LAMC1: variants seen among roughly 807,000 people sequenced by gnomAD.
LAMC1 encodes the protein laminin subunit gamma 1.
A neutral mutation model predicts 173.6 loss-of-function variants in LAMC1; 38 were observed. The ratio of observed to expected loss-of-function variants is 0.22; its 90% CI spans 0.17 to 0.29. The LOEUF (loss-of-function observed/expected upper bound fraction) is 0.29, where lower values mean the gene tolerates loss of function less well. Ranked by LOEUF, LAMC1 falls within the 10% of genes least tolerant of loss-of-function variation. The pLI, the probability that LAMC1 is intolerant of heterozygous loss-of-function variation, is 1.00. For synonymous variants in LAMC1, 746 were observed against 749.1 expected (o/e 1.00, Z 0.07); for missense variants, 1,824 against 2,051.8 (o/e 0.89, Z 2.14).
chr1:183,134,772 T>C lies in LAMC1; in HGVS notation c.3962T>C (p.Val1321Ala). Reference protein sequence around the residue: ...REDMRGKELEVKNLLEKGKTE... With the variant: ...REDMRGKELEAKNLLEKGKTE... The stretch of plus-strand genomic sequence containing the variant: ...GATATGAGAGGGAAGGAACTTGAAG[T>C]CAAGAACCTTCTGGAGAAAGGCAAG... Residue 1321 changes from valine to alanine, a missense_variant, in exon 23 of 28, where the codon GTC becomes GCC. Transcript: ENST00000258341. The C allele has an allele frequency of 6.2e-7, 1 of 1,613,564 alleles. No individual in the cohort carries two copies. Among genetic ancestry groups the C allele is most frequent in the Non-Finnish European group, 8.5e-7 (1 of 1,179,880 alleles).
At chr1:183,138,187 A>G (rs1367628205) in intron 26 of LAMC1, 6 of 965,266 alleles carry the variant, frequency 6.2e-6, no homozygotes, top group Admixed American at 1.2e-4. Flanking sequence ...TTGTTCTCCC[A>G]GCACCTTTAG....
At chr1:183,075,566 C>T (rs1346048965) in intron 1 of LAMC1, among the ~76,000 whole-genome samples, 6 of 152,078 alleles carry the variant, frequency 3.9e-5, no homozygotes, top group Non-Finnish European at 8.8e-5. Flanking sequence ...ACAAATAATA[C>T]ACATATATGG....
At position 183,115,620 on chromosome 1, in the gene LAMC1, C is replaced by T. The variant is rs913543876; in HGVS notation, c.1311C>T (p.Leu437=). The change falls in exon 6 of 28, where the codon CTC becomes CTT. Residue 437 remains leucine (L), a synonymous_variant. Coordinates refer to ENST00000258341, the MANE Select transcript of LAMC1 (RefSeq NM_002293.4). ...CDRCQPGFHS[L]TEAGCRPCSC... ...GTTGCCAGCCTGGATTCCATTCTCT[C>T]ACTGAAGCAGGATGCAGGTAAAATA... 2.5e-6 allele frequency: 4 copies of T among 1,612,164 alleles called. No homozygotes were observed. In the African/African-American group the frequency reaches 5.3e-5, roughly 22 times the overall value.
intron 1 of LAMC1, among the ~76,000 whole-genome samples, chr1:183,038,556 T>TTCC (rs34812197): frequency 6.6e-6 from 1 of 151,694 alleles, no homozygotes; most frequent in African/African-American, 2.4e-5. Flanking sequence ...AATGAAGGGA[T>TTCC]AATGATTTCC....
At chr1:183,108,186 T>TAA (rs1363674393) in intron 2 of LAMC1, 90 bp from the exon 3 acceptor site, 6 of 1,206,894 alleles carry the variant, frequency 5.0e-6, no homozygotes, top group Admixed American at 3.7e-5. Flanking sequence ...TAAATGATAA[T>TAA]AAGTTAGTGA....
At chr1:183,104,345 A>C (rs929228054) in intron 2 of LAMC1, among the ~76,000 whole-genome samples, 1 of 152,146 alleles carries the variant, frequency 6.6e-6, no homozygotes, top group African/African-American at 2.4e-5. Flanking sequence ...CATAATACGG[A>C]ATTCTTCTAT....
chr1:183,045,907 T>C (rs1654254605), intron 1 of LAMC1, among the ~76,000 whole-genome samples: 1 of 152,024 alleles, frequency 6.6e-6, no homozygotes, highest in African/African-American at 2.4e-5. Flanking sequence ...ATGTGTTTAT[T>C]GGTCTTTCAT....
intron 11 of LAMC1, among the ~76,000 whole-genome samples, chr1:183,120,766 TA>T (rs1393637823): frequency 6.6e-6 from 1 of 152,178 alleles, no homozygotes; most frequent in Admixed American, 6.5e-5. Context: ...AGCTTTGGAG[TA>T]ATTGTATACT....
intron 1 of LAMC1, among the ~76,000 whole-genome samples, chr1:183,071,229 G>A (rs1464592062): frequency 6.6e-6 from 1 of 152,054 alleles, no homozygotes; most frequent in Non-Finnish European, 1.5e-5. Context: ...AAGACAATGA[G>A]TAACTTGGGA....
Position 183,127,559 on chromosome 1 carries a change from T to C in LAMC1, c.3123+155T>C, listed in dbSNP as rs1413388. On this transcript the variant is annotated intron_variant, in intron 17 of 27. Transcript: ENST00000258341. ...CAGTTGGGAGGCAAATAATAAAAAA[T>C]AAATAAATAAACAAAACAAACACTG... 0.52 allele frequency among the ~76,000 whole-genome samples: 78,828 copies of C among 152,028 alleles called. 21,130 individuals carry two copies. Among genetic ancestry groups the C allele is most frequent in the South Asian group, 0.65 (3,138 of 4,824 alleles).
intron 1 of LAMC1, among the ~76,000 whole-genome samples, chr1:183,036,976 A>G (rs949948830): frequency 2.0e-5 from 3 of 151,906 alleles, no homozygotes; most frequent in South Asian, 2.1e-4. Context: ...GGGTTTTGCC[A>G]TGTTGGTCAG....
rs149036866 is a variant in LAMC1, at chr1:183,128,617, C to A, written c.3147C>A (p.Leu1049=). ...AGGTTGCTGATCATAGAGTGAAGCT[C>A]CAGGAATTAGAGAGTCTCATAGCAA... The part of the protein sequence containing the change: ...KDKVADHRVK[L]QELESLIANL... Residue 1049 remains leucine (L), a synonymous_variant, in exon 18 of 28, where the codon CTC becomes CTA. Coordinates refer to ENST00000258341, the MANE Select transcript of LAMC1 (RefSeq NM_002293.4). 3 of 1,610,176 alleles carry A rather than the reference C, an allele frequency of 1.9e-6. No homozygotes were observed. In the East Asian group the frequency reaches 6.7e-5, roughly 36 times the overall value.
At chr1:183,033,456 G>T (rs1243082973) in intron 1 of LAMC1, among the ~76,000 whole-genome samples, 1 of 152,166 alleles carries the variant, frequency 6.6e-6, no homozygotes, top group Non-Finnish European at 1.5e-5. Flanking sequence ...TTTGCTGCAG[G>T]TTTAGAGAAT....
At chr1:183,137,532 T>C in intron 25 of LAMC1, 137 bp from the exon 26 acceptor site, 1 of 458,464 alleles carries the variant, frequency 2.2e-6, no homozygotes, top group Non-Finnish European at 3.7e-6. Context: ...ATGTAAGTCA[T>C]GAGATAGTAT....
chr1:183,073,928 A>G (rs775948472), intron 1 of LAMC1, among the ~76,000 whole-genome samples: 10 of 152,340 alleles, frequency 6.6e-5, no homozygotes, highest in Non-Finnish European at 1.0e-4. Flanking sequence ...GGCATAGATT[A>G]CATAGATTAG....
chr1:183,128,655 G>C lies in LAMC1; in HGVS notation c.3185G>C (p.Gly1062Ala). 6.2e-7 allele frequency: 1 copy of C among 1,613,698 alleles called. No homozygotes were observed. Among genetic ancestry groups the C allele is most frequent in the Non-Finnish European group, 8.5e-7 (1 of 1,179,740 alleles). ...AGTCTCATAGCAAACCTTGGAACTG[G>C]GGATGAGATGGTGACAGATCAAGCC... Reference protein sequence around the residue: ...LESLIANLGTGDEMVTDQAFE... With the variant: ...LESLIANLGTADEMVTDQAFE... The change falls in exon 18 of 28, where the codon GGG becomes GCG. Residue 1062 changes from glycine to alanine, a missense_variant. Gly to Ala is a moderately conservative substitution (Grantham distance 60). Transcript: ENST00000258341.
At chr1:183,089,236 A>G (rs758877134) in intron 1 of LAMC1, among the ~76,000 whole-genome samples, 56 of 152,230 alleles carry the variant, frequency 3.7e-4, no homozygotes, top group Admixed American at 2.1e-3. Flanking sequence ...AAATACTCCC[A>G]TGGAGGAGAA....
intron 1 of LAMC1, among the ~76,000 whole-genome samples, chr1:183,030,729 A>AGGCAGC (rs1394068171): frequency 6.6e-6 from 1 of 152,242 alleles, no homozygotes; most frequent in Non-Finnish European, 1.5e-5. Context: ...TGTGACTTGA[A>AGGCAGC]GGCAGCCTAG....
chr1:183,026,250 T>C (rs1167338091), intron 1 of LAMC1, among the ~76,000 whole-genome samples: 2 of 152,172 alleles, frequency 1.3e-5, no homozygotes, highest in Non-Finnish European at 2.9e-5. Flanking sequence ...ACTGTAAAAA[T>C]ATGTACTTTA....
Sources: gnomAD v4.1 joint callset for allele counts (sites outside exome capture counted in the v4.1 genomes callset) on GRCh38, gnomAD v4.1.1 for gene constraint, MANE v1.5 for transcripts, NCBI Gene and HGNC (gene_info 2026-07-23, HGNC 2026-07-21) for gene names.